EPHA3: variants seen among roughly 807,000 people sequenced by gnomAD.
The protein encoded by EPHA3 is ephrin type-A receptor 3.
EPHA3 carries 42 observed loss-of-function variants against 107.1 expected under a neutral mutation model. The ratio of observed to expected loss-of-function variants is 0.39; its 90% CI spans 0.31 to 0.51. The LOEUF is 0.51. Ranked by LOEUF, EPHA3 falls within the 20% of genes least tolerant of loss-of-function variation. The pLI is 0.78. For synonymous variants in EPHA3, 461 were observed against 424.8 expected (o/e 1.09, Z -1.05); for missense variants, 1,183 against 1,211.2 (o/e 0.98, Z 0.35).
chr3:89,234,255 T>A (rs1201296269), intron 3 of EPHA3, among the ~76,000 whole-genome samples: 1 of 152,076 alleles, frequency 6.6e-6, no homozygotes, highest in Non-Finnish European at 1.5e-5. Context: ...TTCTACAAAA[T>A]CATAATATCA....
chr3:89,297,572 T>C (rs560566366), intron 3 of EPHA3, among the ~76,000 whole-genome samples: 1 of 152,168 alleles, frequency 6.6e-6, no homozygotes, highest in Admixed American at 6.5e-5. Context: ...ATAATAGTAA[T>C]GAAATCATTT....
intron 15 of EPHA3, among the ~76,000 whole-genome samples, chr3:89,460,130 T>A (rs1710192726): frequency 6.6e-6 from 1 of 152,174 alleles, no homozygotes; most frequent in Non-Finnish European, 1.5e-5. Flanking sequence ...TATGAGATTT[T>A]TATTATTGAC....
At chr3:89,394,775 C>T (rs1176761233) in intron 5 of EPHA3, among the ~76,000 whole-genome samples, 2 of 152,156 alleles carry the variant, frequency 1.3e-5, no homozygotes, top group Non-Finnish European at 1.5e-5. Flanking sequence ...AAAATAAGTG[C>T]TTTAACAATG....
intron 1 of EPHA3, among the ~76,000 whole-genome samples, chr3:89,115,770 G>T (rs969212519): frequency 6.6e-6 from 1 of 152,066 alleles, no homozygotes; most frequent in Admixed American, 6.6e-5. Flanking sequence ...CTGAGAAAAT[G>T]GATCATAATA....
chr3:89,445,784 T>G (rs892140221), intron 13 of EPHA3, among the ~76,000 whole-genome samples: 12 of 152,160 alleles, frequency 7.9e-5, no homozygotes, highest in Non-Finnish European at 1.6e-4. Context: ...CTAGCAAAAC[T>G]TGTAGCAAGA....
intron 5 of EPHA3, among the ~76,000 whole-genome samples, chr3:89,352,507 T>C (rs1202459578): frequency 6.6e-6 from 1 of 151,088 alleles, no homozygotes; most frequent in Non-Finnish European, 1.5e-5. Context: ...AAAGCAATAG[T>C]ATCCATTCGT....
rs1316315156 is a variant in EPHA3 at position 89,292,743 on chromosome 3, C to A, written c.815-48173C>A. On this transcript the variant is annotated intron_variant, in intron 3 of 16. Coordinates refer to ENST00000336596, the MANE Select transcript of EPHA3 (RefSeq NM_005233.6). ...GTTTAACTTTGTTCTTTTCCTCTTA[C>A]ACACACACATAGAAAATGACTACTG... Among the ~76,000 whole-genome samples the A allele has an allele frequency of 3.9e-5, 6 of 152,228 alleles. No homozygotes were observed. In the East Asian group the frequency reaches 1.2e-3, roughly 29 times the overall value.
chr3:89,161,454 GCTTA>G (rs570207430), intron 2 of EPHA3, among the ~76,000 whole-genome samples: 4 of 151,978 alleles, frequency 2.6e-5, no homozygotes, highest in Non-Finnish European at 5.9e-5. Flanking sequence ...ATGTCTTATA[GCTTA>G]CTTTTTTTGA....
At chr3:89,136,495 A>C (rs1345555151) in intron 2 of EPHA3, among the ~76,000 whole-genome samples, 8 of 151,576 alleles carry the variant, frequency 5.3e-5, no homozygotes, top group East Asian at 1.9e-4. Flanking sequence ...CTTTAAAAAA[A>C]TAGAAGTGAT....
At chr3:89,367,516 T>C (rs1486961952) in intron 5 of EPHA3, among the ~76,000 whole-genome samples, 3 of 150,630 alleles carry the variant, frequency 2.0e-5, no homozygotes, top group African/African-American at 7.3e-5. Context: ...CACATTAGCA[T>C]ATAGTTTCAA....
At chr3:89,370,298 A>G (rs545688961) in intron 5 of EPHA3, among the ~76,000 whole-genome samples, 3 of 151,808 alleles carry the variant, frequency 2.0e-5, no homozygotes, top group Non-Finnish European at 4.4e-5. Context: ...AAAATGTGGC[A>G]CATATACACC....
chr3:89,167,469 CCTATG>C (rs1271317829), intron 2 of EPHA3, among the ~76,000 whole-genome samples: 1 of 151,650 alleles, frequency 6.6e-6, no homozygotes, highest in African/African-American at 2.4e-5. Flanking sequence ...ATTTCTCTCC[CCTATG>C]TGGGGAGAAA....
chr3:89,458,913 C>A (rs1710157460), intron 15 of EPHA3, among the ~76,000 whole-genome samples: 1 of 152,124 alleles, frequency 6.6e-6, no homozygotes, highest in Admixed American at 6.5e-5. Context: ...TCATTCTCAG[C>A]AAACTAACAC....
intron 3 of EPHA3, among the ~76,000 whole-genome samples, chr3:89,226,222 G>A (rs1032840412): frequency 6.6e-5 from 10 of 151,828 alleles, no homozygotes; most frequent in African/African-American, 2.4e-4. Context: ...AACCATTCTG[G>A]GTCCCAGTTT....
intron 2 of EPHA3, among the ~76,000 whole-genome samples, chr3:89,132,145 G>T (rs1022693305): frequency 6.6e-6 from 1 of 152,076 alleles, no homozygotes; most frequent in Non-Finnish European, 1.5e-5. Flanking sequence ...CCTCCGTTTG[G>T]GCTTGTTCTG....
intron 2 of EPHA3, among the ~76,000 whole-genome samples, chr3:89,186,209 C>A (rs182693022): frequency 2.6e-5 from 4 of 152,048 alleles, no homozygotes; most frequent in Admixed American, 1.3e-4. Context: ...GGTAAAATTT[C>A]ACTGCATTAT....
intron 3 of EPHA3, among the ~76,000 whole-genome samples, chr3:89,297,597 A>G (rs1466978229): frequency 1.3e-5 from 2 of 152,202 alleles, no homozygotes; most frequent in Non-Finnish European, 2.9e-5. Context: ...TATTGTGAGA[A>G]TTACCAAAAT....
chr3:89,344,807 G>A (rs1321859390), intron 5 of EPHA3, among the ~76,000 whole-genome samples: 3 of 152,112 alleles, frequency 2.0e-5, no homozygotes, highest in African/African-American at 4.8e-5. Flanking sequence ...CATTGTAAAA[G>A]CATTGTGATG....
chr3:89,340,947 T>A lies in EPHA3; in HGVS notation c.846T>A (p.Asp282Glu), dbSNP rs781383365. 1.9e-6 allele frequency: 3 copies of A among 1,613,494 alleles called. No homozygotes were observed. The South Asian group carries it at 3.3e-5, about 18-fold the overall frequency. ...ACRPGFYKALDGNMKCAKCPP... is the reference protein window; with the variant it reads ...ACRPGFYKALEGNMKCAKCPP... ...GACCAGGTTTCTACAAGGCATTGGA[T>A]GGTAATATGAAGTGTGCTAAGTGCC... Residue 282 changes from aspartate to glutamate, a missense_variant, in exon 4 of 17, where the codon GAT becomes GAA. Physicochemically the swap from Asp to Glu is conservative, Grantham distance 45. Transcript: ENST00000336596.
Sources: gnomAD v4.1 joint callset for allele counts (sites outside exome capture counted in the v4.1 genomes callset) on GRCh38, gnomAD v4.1.1 for gene constraint, MANE v1.5 for transcripts, NCBI Gene and HGNC (gene_info 2026-07-23, HGNC 2026-07-21) for gene names.